Variants in RORA observed in about 807,000 individuals in gnomAD.
RORA encodes the protein nuclear receptor ROR-alpha.
A neutral mutation model predicts 69.5 loss-of-function variants in RORA; 7 were observed. The observed-to-expected ratio is 0.10, with a 90% CI of 0.06 to 0.19. The LOEUF (loss-of-function observed/expected upper bound fraction) is 0.19. Ranked by LOEUF, RORA falls within the 10% of genes least tolerant of loss-of-function variation. The pLI, the probability that RORA is intolerant of heterozygous loss-of-function variation, is 1.00. For missense variants in RORA, 457 were observed against 663.0 expected, an observed-to-expected ratio of 0.69 and a Z score of 3.41; for synonymous variants, 261 against 240.8, an observed-to-expected ratio of 1.08 and a Z score of -0.78.
rs148333484 is a variant in RORA, at chr15:60,700,773, C to G, written c.167-22087G>C. Among the ~76,000 whole-genome samples, 1,087 of 152,262 alleles carry G rather than the reference C, an allele frequency of 7.1e-3. 5 individuals are homozygous for G. The highest frequency in any genetic ancestry group is 0.011 in the Non-Finnish European group (737 of 68,018). On this transcript the variant is annotated intron_variant, in intron 1 of 10. Transcript: ENST00000335670. The stretch of plus-strand genomic sequence containing the variant: ...TTCCTTCTTCTAGGGATGCTCTTTC[C>G]TTTTTCTTGACTGAGCTAATTCCCA...
chr15:61,186,780 A>T (rs2079747324), intron 1 of RORA, among the ~76,000 whole-genome samples: 1 of 152,168 alleles, frequency 6.6e-6, no homozygotes, highest in South Asian at 2.1e-4. Context: ...CTGCTCCTCA[A>T]ACATGAAAAC....
intron 1 of RORA, among the ~76,000 whole-genome samples, chr15:60,913,018 G>GA (rs1353933959): frequency 2.0e-5 from 3 of 152,086 alleles, no homozygotes; most frequent in Non-Finnish European, 2.9e-5. Context: ...AGTTCAATTT[G>GA]AAAAAAATAG....
intron 2 of RORA, among the ~76,000 whole-genome samples, chr15:60,638,663 T>A (rs1350350132): frequency 3.9e-4 from 59 of 152,176 alleles, no homozygotes; most frequent in Admixed American, 3.9e-3. Flanking sequence ...GGGGACTGGA[T>A]GAAGTTATGA....
intron 2 of RORA, chr15:60,592,354 C>T: frequency 7.2e-7 from 1 of 1,384,850 alleles, no homozygotes. Context: ...GAGCCGCCAG[C>T]CCACCCGGCC....
At chr15:61,144,059 G>A (rs2079324030) in intron 1 of RORA, among the ~76,000 whole-genome samples, 3 of 152,310 alleles carry the variant, frequency 2.0e-5, no homozygotes, top group African/African-American at 7.2e-5. Context: ...ATCCCTTCAA[G>A]TCTCTAAGGA....
At chr15:60,571,582 G>T (rs1290174143) in intron 2 of RORA, among the ~76,000 whole-genome samples, 1 of 152,134 alleles carries the variant, frequency 6.6e-6, no homozygotes, top group African/African-American at 2.4e-5. Context: ...CTTAGATGAA[G>T]CATGAACTAT....
rs1158877355 is a variant in RORA at position 61,213,161 on chromosome 15, C to T, written c.166+15892G>A. Among the ~76,000 whole-genome samples, 4 of 152,046 alleles carry T rather than the reference C, an allele frequency of 2.6e-5. No individual in the cohort carries two copies. The South Asian group carries it at 6.2e-4, about 24-fold the overall frequency. On this transcript the variant is annotated intron_variant, in intron 1 of 10. Transcript: ENST00000335670. The surrounding 1 kb of genome is among the most constrained non-coding windows in gnomAD (Gnocchi z 4.1). ...ACTACACTGTCCCAGCCAATAATCCCGGCCCACACTCTGCACTTGACTCCT... is the reference window on the plus strand; with the variant it reads ...ACTACACTGTCCCAGCCAATAATCCTGGCCCACACTCTGCACTTGACTCCT...
chr15:60,679,223 G>A (rs2070604475), intron 1 of RORA, among the ~76,000 whole-genome samples: 1 of 152,148 alleles, frequency 6.6e-6, no homozygotes, highest in Admixed American at 6.5e-5. Flanking sequence ...ACTCATTAAG[G>A]TCAGAAAGGG....
chr15:61,048,963 G>C (rs981546802), intron 1 of RORA, among the ~76,000 whole-genome samples: 13 of 152,088 alleles, frequency 8.5e-5, no homozygotes, highest in African/African-American at 3.1e-4. Flanking sequence ...TTGTACTGGG[G>C]ACAAAGACTA....
intron 2 of RORA, among the ~76,000 whole-genome samples, chr15:60,603,490 A>C (rs1481262575): frequency 9.2e-5 from 14 of 152,222 alleles, no homozygotes; most frequent in Admixed American, 7.2e-4. Flanking sequence ...AAGTTCTATA[A>C]AGTTCCCAGG....
At chr15:61,120,916 C>T (rs1214694075) in intron 1 of RORA, among the ~76,000 whole-genome samples, 4 of 148,772 alleles carry the variant, frequency 2.7e-5, no homozygotes, top group African/African-American at 9.9e-5. Context: ...GGTGTGATCT[C>T]GGCTCACTGC....
intron 1 of RORA, among the ~76,000 whole-genome samples, chr15:60,727,640 G>A (rs915493997): frequency 1.1e-4 from 17 of 152,222 alleles, no homozygotes; most frequent in African/African-American, 3.9e-4. Flanking sequence ...ACCAGTGCAC[G>A]AAGGGAGAAG....
At chr15:61,060,455 C>T (rs1454156486) in intron 1 of RORA, among the ~76,000 whole-genome samples, 1 of 152,166 alleles carries the variant, frequency 6.6e-6, no homozygotes, top group Non-Finnish European at 1.5e-5. Flanking sequence ...CCATGGGTGC[C>T]TTTCAGGTAC....
At chr15:61,051,845 G>C (rs2078019283) in intron 1 of RORA, among the ~76,000 whole-genome samples, 2 of 152,174 alleles carry the variant, frequency 1.3e-5, no homozygotes, top group Non-Finnish European at 2.9e-5. Context: ...AGCTAAGAGG[G>C]AGCAGTCCAA....
chr15:60,548,046 C>T (rs1394090230), intron 2 of RORA: 1 of 152,154 alleles, frequency 6.6e-6, no homozygotes, highest in Non-Finnish European at 1.5e-5. Flanking sequence ...TTTCATTACC[C>T]ATCACTGCTG....
chr15:60,773,478 A>C (rs2072109375), intron 1 of RORA, among the ~76,000 whole-genome samples: 1 of 152,118 alleles, frequency 6.6e-6, no homozygotes, highest in Non-Finnish European at 1.5e-5. Context: ...ATGAACTTCA[A>C]AAATTTACAT....
At chr15:60,630,560 T>C (rs377522164) in intron 2 of RORA, 1 of 152,222 alleles carries the variant, frequency 6.6e-6, no homozygotes, top group Non-Finnish European at 1.5e-5. Context: ...CAACCAACCA[T>C]CTTCTGACAA....
chr15:60,662,381 A>T (rs187044239), intron 2 of RORA, among the ~76,000 whole-genome samples: 3 of 152,248 alleles, frequency 2.0e-5, no homozygotes, highest in African/African-American at 7.2e-5. Flanking sequence ...ACAGTAGCAA[A>T]CTGTCAAAAT....
At chr15:61,183,767 G>C (rs1363042247) in intron 1 of RORA, among the ~76,000 whole-genome samples, 2 of 152,152 alleles carry the variant, frequency 1.3e-5, no homozygotes, top group African/African-American at 4.8e-5. Flanking sequence ...TCACTGCTAA[G>C]AGCACCTTGT....
Sources: allele counts gnomAD v4.1 joint callset (sites outside exome capture counted in the v4.1 genomes callset), GRCh38; gene constraint gnomAD v4.1.1; non-coding constraint Gnocchi (gnomAD v3.1); transcripts MANE v1.5; gene names NCBI Gene and HGNC (gene_info 2026-07-23, HGNC 2026-07-21).